Variants in LCOR observed in about 807,000 individuals in gnomAD.
LCOR encodes ligand-dependent corepressor.
In LCOR, 14 loss-of-function variants were observed where a neutral mutation model predicts 64.4. The ratio of observed to expected loss-of-function variants is 0.22; its 90% confidence interval spans 0.14 to 0.34. LCOR has a LOEUF of 0.34. Ranked by LOEUF, LCOR falls within the 10% of genes least tolerant of loss-of-function variation. The probability of loss-of-function intolerance (pLI) is 1.00; values close to 1 mark genes in which losing one functional copy is unlikely to be tolerated. For synonymous variants in LCOR, 643 were observed against 642.5 expected, an observed-to-expected ratio of 1.00 and a Z score of -0.01; for missense variants, 1,686 against 1,765.3, an observed-to-expected ratio of 0.96 and a Z score of 0.80.
In LCOR at chr10:96,983,082, T is replaced by C. The variant is rs1848108489; in HGVS notation, c.2622T>C (p.Ser874=). ...CACCTAAGGGCCTTCTACCTGACAG[T>C]TTCCACACGGAAACTCTGGAGGACA... ...GTTPKGLLPD[S]FHTETLEDTE... is the part of the protein sequence containing the mutation. The change falls in exon 8 of 8, where the codon AGT becomes AGC. Residue 874 remains serine, a synonymous_variant. Coordinates refer to ENST00000421806, the MANE Select transcript of LCOR (RefSeq NM_001346516.2). This position sits in a 1 kb window ranked among gnomAD's most constrained non-coding sequence, Gnocchi z 4.5. 6.2e-7 allele frequency: 1 copy of C among 1,613,338 alleles called. No individual in the cohort carries two copies. The highest frequency in any genetic ancestry group is 1.3e-5 in the African/African-American group (1 of 74,856).
chr10:96,872,812 A>G (rs752330268), intron 2 of LCOR, among the ~76,000 whole-genome samples: 2 of 152,224 alleles, frequency 1.3e-5, no homozygotes, highest in African/African-American at 4.8e-5. Context: ...GAATCACAAT[A>G]GAGGAAGATG....
chr10:96,959,063 G>A (rs977063681), intron 7 of LCOR: 4 of 151,832 alleles, frequency 2.6e-5, no homozygotes, highest in African/African-American at 9.7e-5. Context: ...TGTATTTCTC[G>A]GAGGTGGCTC....
intron 2 of LCOR, among the ~76,000 whole-genome samples, chr10:96,857,236 A>G (rs17112175): frequency 6.6e-6 from 1 of 152,178 alleles, no homozygotes; most frequent in East Asian, 1.9e-4. Flanking sequence ...TGATTTAAGT[A>G]AGTAGAAGAG....
chr10:96,842,508 T>A (rs1845557857), intron 2 of LCOR, among the ~76,000 whole-genome samples: 2 of 152,116 alleles, frequency 1.3e-5, no homozygotes, highest in South Asian at 4.1e-4. Context: ...CACAAAGACA[T>A]CTGTTTCACT....
intron 7 of LCOR, among the ~76,000 whole-genome samples, chr10:96,970,585 A>G (rs1049558512): frequency 6.8e-6 from 1 of 146,682 alleles, no homozygotes; most frequent in Non-Finnish European, 1.5e-5. Context: ...ATGGATTGTA[A>G]GATCCTAACC....
chr10:96,941,098 G>A (rs1847456925), intron 4 of LCOR, among the ~76,000 whole-genome samples: 1 of 134,358 alleles, frequency 7.4e-6, no homozygotes, highest in Non-Finnish European at 1.6e-5. Flanking sequence ...GGGGCGGCTG[G>A]CCGGGCAGAG....
chr10:96,928,811 T>C (rs1847210012), intron 4 of LCOR, among the ~76,000 whole-genome samples: 1 of 152,210 alleles, frequency 6.6e-6, no homozygotes, highest in Admixed American at 6.5e-5. Flanking sequence ...GTATTACTCT[T>C]GGATACATGG....
intron 6 of LCOR, 22 bp from the exon 7 acceptor site, chr10:96,952,081 G>C: frequency 6.4e-7 from 1 of 1,561,410 alleles, no homozygotes; most frequent in Non-Finnish European, 8.8e-7. Flanking sequence ...ATATCCTCAG[G>C]TGTTTCTTTG....
rs192771237 is a variant in LCOR at position 96,956,596 on chromosome 10, G to A, written c.332+4400G>A. 1.6e-4 allele frequency: 162 copies of A among 985,706 alleles called. No individual in the cohort carries two copies. In the African/African-American group the frequency reaches 2.7e-3, roughly 16 times the overall value. 61.1% of individuals were successfully genotyped at this position (985,706 alleles called of 1,614,324 possible). A position where few individuals can be genotyped will look rare whatever the true frequency, so the allele number is the denominator to read the frequency against. On this transcript the variant is annotated intron_variant, in intron 7 of 7. Transcript: ENST00000421806. ...CCCAGAGGGGAAGGTGGTGGAAAAT[G>A]TGCACACACTACCTTCAGAAATGCT... is the stretch of plus-strand genomic sequence containing the variant.
At chr10:96,859,446 A>G (rs1044395817) in intron 2 of LCOR, among the ~76,000 whole-genome samples, 6 of 152,126 alleles carry the variant, frequency 3.9e-5, no homozygotes, top group African/African-American at 1.4e-4. Context: ...TCTTGACCTC[A>G]GGTGATCCAC....
intron 2 of LCOR, among the ~76,000 whole-genome samples, chr10:96,847,722 G>T (rs1221979414): frequency 2.0e-5 from 3 of 152,146 alleles, no homozygotes; most frequent in Non-Finnish European, 4.4e-5. Context: ...GATTACAGGC[G>T]TGAACCACCC....
chr10:96,953,908 C>T (rs1403788541), intron 7 of LCOR, among the ~76,000 whole-genome samples: 1 of 152,194 alleles, frequency 6.6e-6, no homozygotes. Flanking sequence ...TTAATGTAAT[C>T]ATCCCCTTGG....
At chr10:96,913,480 T>G (rs1175315412) in intron 4 of LCOR, among the ~76,000 whole-genome samples, 2 of 152,248 alleles carry the variant, frequency 1.3e-5, no homozygotes, top group African/African-American at 4.8e-5. Context: ...GATGGCTGTT[T>G]GTAAAGTACA....
At position 96,983,050 on chromosome 10, in the gene LCOR, G is replaced by A; in HGVS notation, c.2590G>A (p.Gly864Arg). 2 of 1,613,978 alleles carry A rather than the reference G, an allele frequency of 1.2e-6. No individual in the cohort carries two copies. The highest frequency in any genetic ancestry group is 1.7e-6 in the Non-Finnish European group (2 of 1,179,932). The change falls in exon 8 of 8, where the codon GGG becomes AGG. Residue 864 changes from glycine (G) to arginine (R), a missense_variant. By Grantham distance (125) the Gly-to-Arg change is moderately radical (BLOSUM62 -2). This residue lies in a region of LCOR where 1,293 missense variants were observed against 1,410.4 expected (regional missense o/e 0.92). Coordinates refer to ENST00000421806, the MANE Select transcript of LCOR (RefSeq NM_001346516.2). The surrounding 1 kb of genome is among the most constrained non-coding windows in gnomAD (Gnocchi z 4.5). ...TTCAAAAAAAGAAGGGCACCCTGGT[G>A]GGACAACACCTAAGGGCCTTCTACC... ...KRSKKEGHPG[G>R]TTPKGLLPDS...
At chr10:96,877,598 ATTTTTTTTTTTTTTTTTT>A (rs57119025) in intron 2 of LCOR, among the ~76,000 whole-genome samples, 2 of 65,680 alleles carry the variant, frequency 3.0e-5, no homozygotes, top group South Asian at 8.8e-4. Flanking sequence ...ATTTTTCTGA[ATTTTTTTTTTTTTTTTTT>A]TTTTTTTTTT....
At chr10:96,951,417 C>G (rs947711842) in intron 6 of LCOR, among the ~76,000 whole-genome samples, 7 of 151,992 alleles carry the variant, frequency 4.6e-5, no homozygotes, top group Non-Finnish European at 7.4e-5. Flanking sequence ...AAAATTCTTG[C>G]ATTCATAAAA....
chr10:96,921,311 A>G (rs1847077537), intron 4 of LCOR, among the ~76,000 whole-genome samples: 1 of 152,130 alleles, frequency 6.6e-6, no homozygotes, highest in African/African-American at 2.4e-5. Flanking sequence ...ACAGAAAATC[A>G]TTGCCAGATC....
intron 2 of LCOR, among the ~76,000 whole-genome samples, chr10:96,851,811 G>A (rs1470735436): frequency 3.3e-5 from 5 of 152,184 alleles, no homozygotes; most frequent in Admixed American, 6.5e-5. Context: ...AAAGCCTGAC[G>A]TTGTTGTTGT....
intron 2 of LCOR, among the ~76,000 whole-genome samples, chr10:96,842,756 G>A (rs764051134): frequency 7.3e-5 from 11 of 150,748 alleles, no homozygotes; most frequent in Admixed American, 2.7e-4. Flanking sequence ...TCAGCCTTCC[G>A]AGTAGCCGGG....
Sources: gnomAD v4.1 joint callset for allele counts (sites outside exome capture counted in the v4.1 genomes callset) on GRCh38, gnomAD v4.1.1 for gene constraint, gnomAD v4.1.1 regional missense constraint, Gnocchi (gnomAD v3.1) non-coding constraint, MANE v1.5 for transcripts, NCBI Gene and HGNC (gene_info 2026-07-23, HGNC 2026-07-21) for gene names.